The following MCMDC2 variants were observed in gnomAD, a reference collection of about 807,000 sequenced individuals.
The protein encoded by MCMDC2 is minichromosome maintenance domain-containing protein 2.
A neutral mutation model predicts 75.8 loss-of-function variants in MCMDC2; 54 were observed. That is an observed-to-expected ratio of 0.71 (90% CI 0.57 to 0.89). MCMDC2 has a LOEUF of 0.89. Ranked by LOEUF, MCMDC2 falls within the 40% of genes least tolerant of loss-of-function variation. MCMDC2 has a pLI of 0.00. For missense variants in MCMDC2, 656 were observed against 780.4 expected, an observed-to-expected ratio of 0.84 and a Z score of 1.90; for synonymous variants, 249 against 274.6, an observed-to-expected ratio of 0.91 and a Z score of 0.92.
At chr8:66,880,222 A>G (rs1398406512) in intron 7 of MCMDC2, among the ~76,000 whole-genome samples, 1 of 152,108 alleles carries the variant, frequency 6.6e-6, no homozygotes, top group Admixed American at 6.5e-5. Flanking sequence ...CTTAATATAT[A>G]AAGTACAGAT....
chr8:66,922,938 A>G (rs1026853088), downstream of MCMDC2, among the ~76,000 whole-genome samples: 1 of 152,296 alleles, frequency 6.6e-6, no homozygotes, highest in South Asian at 2.1e-4. Context: ...GACAAACCCA[A>G]ACCTCTGTAA....
chr8:66,888,333 C>A (rs997057816), intron 9 of MCMDC2, among the ~76,000 whole-genome samples: 1 of 152,192 alleles, frequency 6.6e-6, no homozygotes, highest in South Asian at 2.1e-4. Flanking sequence ...CTTCCCGCCT[C>A]GGCCTCTCAA....
At chr8:66,879,241 A>G (rs796349891) in intron 7 of MCMDC2, among the ~76,000 whole-genome samples, 19 of 152,288 alleles carry the variant, frequency 1.2e-4, no homozygotes, top group African/African-American at 4.6e-4. Context: ...ACTGCACTCC[A>G]GTCTGGGCAA....
At chr8:66,908,083 A>G (rs1188886617) in intron 14 of MCMDC2, among the ~76,000 whole-genome samples, 1 of 151,908 alleles carries the variant, frequency 6.6e-6, no homozygotes, top group Non-Finnish European at 1.5e-5. Context: ...ATTAGATCCC[A>G]TTTGTCAATT....
In MCMDC2 at chr8:66,919,553, G is replaced by A. The variant is rs1813440177; in HGVS notation, c.*384G>A. The A allele has an allele frequency of 6.5e-6, 1 of 153,804 alleles. No individual in the cohort carries two copies. The highest frequency in any genetic ancestry group is 6.5e-5 in the Admixed American group (1 of 15,300). The allele number at this position is 153,804 out of a possible 1,614,324, so 9.5% of individuals were successfully genotyped here. On this transcript the variant is annotated 3_prime_UTR_variant, in exon 15 of 15. Coordinates refer to ENST00000422365, the MANE Select transcript of MCMDC2 (RefSeq NM_173518.5). ...GTAGTTCACTCTACTGTCACAAGAT[G>A]GCAATAACTCTTTACCTACAAATTA...
downstream of MCMDC2, chr8:66,922,430 G>C (rs766970233): frequency 4.0e-6 from 2 of 501,508 alleles, no homozygotes; most frequent in South Asian, 2.9e-5. Context: ...TTAAATTATT[G>C]CCTTACATAC....
intron 10 of MCMDC2, among the ~76,000 whole-genome samples, chr8:66,892,260 C>G (rs77640800): frequency 0.03 from 4,584 of 152,282 alleles, 136 homozygotes; most frequent in African/African-American, 0.06. Context: ...CTCCTGCAGT[C>G]CAGCAAACAA....
chr8:66,877,467 T>C lies in MCMDC2; in HGVS notation c.404T>C (p.Ile135Thr), dbSNP rs1385401018. The C allele has an allele frequency of 6.2e-7, 1 of 1,613,588 alleles. No individual in the cohort carries two copies. Among genetic ancestry groups the C allele is most frequent in the Non-Finnish European group, 8.5e-7 (1 of 1,179,806 alleles). ...TTTTATATGATGCAAGGAATTGTGA[T>C]TGCAATGACAACTATAACCAAGTAT... ...QRFYMMQGIV[I>T]AMTTITKYTQ... The change falls in exon 5 of 15, where the codon ATT (isoleucine) becomes ACT (threonine). Residue 135 changes from isoleucine (I) to threonine (T), a missense_variant. Coordinates refer to ENST00000422365, the MANE Select transcript of MCMDC2 (RefSeq NM_173518.5).
intron 4 of MCMDC2, among the ~76,000 whole-genome samples, chr8:66,875,525 C>T (rs748278445): frequency 3.9e-5 from 6 of 152,154 alleles, no homozygotes; most frequent in Non-Finnish European, 7.3e-5. Context: ...GTGATCCACC[C>T]GCCTCGGCCT....
chr8:66,896,965 G>A lies in MCMDC2; in HGVS notation c.1626+6G>A. The A allele has an allele frequency of 6.3e-7, 1 of 1,590,502 alleles. No homozygotes were observed. The highest frequency in any genetic ancestry group is 1.8e-5 in the Admixed American group (1 of 55,104). On this transcript the variant is annotated splice_donor_region_variant and intron_variant, in intron 12 of 14. Transcript: ENST00000422365. Reference sequence around the variant, plus strand: ...CAACTGAAGATTTTGAAAAGGTAAAGGTGGATAAAACGGTTACCCAGAATG... The same window carrying A: ...CAACTGAAGATTTTGAAAAGGTAAAAGTGGATAAAACGGTTACCCAGAATG...
chr8:66,893,997 C>T (rs917890595), intron 10 of MCMDC2, among the ~76,000 whole-genome samples: 28 of 152,154 alleles, frequency 1.8e-4, no homozygotes, highest in Admixed American at 1.1e-3. Flanking sequence ...GGAAGTCCAA[C>T]GAGATAATGG....
chr8:66,878,492 A>C (rs1423877510), intron 5 of MCMDC2, 82 bp from the exon 6 acceptor site: 72 of 1,346,854 alleles, frequency 5.3e-5, no homozygotes, highest in Non-Finnish European at 5.0e-6. Flanking sequence ...AAAATTAAAA[A>C]TTAAAAAATG....
rs1812373370 is a variant in MCMDC2 at position 66,896,800 on chromosome 8, T to C, written c.1467T>C (p.Ala489=). Residue 489 remains alanine (A), a synonymous_variant, in exon 12 of 15, where the codon GCT becomes GCC. Transcript: ENST00000422365. The part of the protein sequence containing the change: ...IGQMDCSLIP[A]NLVEAFGLLI... ...TGTAGGATTGCAGTTTGATTCCAGCTAACCTTGTGGAGGCATTTGGTTTAT... is the reference window on the plus strand; with the variant it reads ...TGTAGGATTGCAGTTTGATTCCAGCCAACCTTGTGGAGGCATTTGGTTTAT... 1 of 1,611,448 alleles carries C rather than the reference T, an allele frequency of 6.2e-7. No homozygotes were observed. The highest frequency in any genetic ancestry group is 8.5e-7 in the Non-Finnish European group (1 of 1,179,038).
chr8:66,876,905 C>T (rs776610723), intron 4 of MCMDC2, among the ~76,000 whole-genome samples: 33 of 151,982 alleles, frequency 2.2e-4, no homozygotes, highest in Admixed American at 1.8e-3. Context: ...GGACTACAGG[C>T]GCCTGCCATC....
intron 10 of MCMDC2, among the ~76,000 whole-genome samples, chr8:66,892,004 G>A (rs78029895): frequency 5.9e-5 from 9 of 152,326 alleles, no homozygotes; most frequent in African/African-American, 2.2e-4. Context: ...AGGGGCTGCA[G>A]GGAAGCATGC....
At chr8:66,923,927 AC>A (rs950225643), downstream of MCMDC2, among the ~76,000 whole-genome samples, 31 of 150,582 alleles carry the variant, frequency 2.1e-4, no homozygotes, top group African/African-American at 1.5e-4. Flanking sequence ...TATCCACACC[AC>A]CCCCCTCCCC....
chr8:66,920,877 T>G lies in MCMDC2; in HGVS notation c.*1708T>G, dbSNP rs1813500769. 6.6e-6 allele frequency: 1 copy of G among 152,154 alleles called. No homozygotes were observed. The highest frequency in any genetic ancestry group is 2.1e-4 in the South Asian group (1 of 4,824). The allele number at this position is 152,154 out of a possible 1,614,324, so 9.4% of individuals were successfully genotyped here. On this transcript the variant is annotated 3_prime_UTR_variant, in exon 15 of 15. Transcript: ENST00000422365. ...TTGTAGAGATGGAATTTTGCCATGT[T>G]TCCCAGGCTGGTCTCAAGTCATCCT...
At chr8:66,880,821 T>C (rs16933092) in intron 7 of MCMDC2, 28 bp from the exon 8 acceptor site, 87,075 of 1,496,800 alleles carry the variant, frequency 0.058, 5,576 homozygotes, top group African/African-American at 0.32. Context: ...AGTGAATATG[T>C]ATTTTCTTCT....
At chr8:66,884,144 C>T in intron 9 of MCMDC2, 150 bp downstream of exon 9, 3 of 600,930 alleles carry the variant, frequency 5.0e-6, no homozygotes, top group Non-Finnish European at 5.8e-6. Context: ...AATTCAAAAC[C>T]TTTGAAAGAT....
Sources: allele counts gnomAD v4.1 joint callset (sites outside exome capture counted in the v4.1 genomes callset), GRCh38; gene constraint gnomAD v4.1.1; transcripts MANE v1.5; gene names NCBI Gene and HGNC (gene_info 2026-07-23, HGNC 2026-07-21).